Variants in PRKG1 observed in about 807,000 individuals in gnomAD.
The protein encoded by PRKG1 is cGMP-dependent protein kinase 1.
A neutral mutation model predicts 88.1 loss-of-function variants in PRKG1; 35 were observed. The ratio of observed to expected loss-of-function variants is 0.40; its 90% confidence interval spans 0.30 to 0.53. The LOEUF (loss-of-function observed/expected upper bound fraction) is 0.53. PRKG1 is among the 20% of genes least tolerant of loss of function. The pLI, the probability that PRKG1 is intolerant of heterozygous loss-of-function variation, is 0.59. For missense variants in PRKG1, 540 were observed against 839.8 expected, an observed-to-expected ratio of 0.64 and a Z score of 4.41; for synonymous variants, 303 against 292.5, an observed-to-expected ratio of 1.04 and a Z score of -0.37.
At chr10:51,296,250 A>G (rs1203242833) in intron 2 of PRKG1, among the ~76,000 whole-genome samples, 1 of 152,072 alleles carries the variant, frequency 6.6e-6, no homozygotes. Context: ...AAGGATTGTT[A>G]TCAGTTCTTC....
chr10:51,669,340 A>T (rs901028221), intron 3 of PRKG1, among the ~76,000 whole-genome samples: 1 of 152,164 alleles, frequency 6.6e-6, no homozygotes, highest in Non-Finnish European at 1.5e-5. Context: ...CTTTCTTCTT[A>T]TAAGGACACC....
intron 8 of PRKG1, among the ~76,000 whole-genome samples, chr10:52,146,815 G>A (rs1019345465): frequency 6.6e-6 from 1 of 152,092 alleles, no homozygotes; most frequent in South Asian, 2.1e-4. Context: ...CTGATTCAAA[G>A]GATATGTATT....
At chr10:51,366,906 C>T (rs536936728) in intron 2 of PRKG1, among the ~76,000 whole-genome samples, 5 of 151,886 alleles carry the variant, frequency 3.3e-5, no homozygotes, top group African/African-American at 9.6e-5. Flanking sequence ...TCTACCCTTC[C>T]GACCCCTCCG....
At chr10:52,225,627 G>A (rs1203476468) in intron 9 of PRKG1, among the ~76,000 whole-genome samples, 1 of 152,122 alleles carries the variant, frequency 6.6e-6, no homozygotes, top group Non-Finnish European at 1.5e-5. Context: ...CAGGTCTTAG[G>A]TTTAAGCCCT....
chr10:51,117,328 C>T (rs1486697834), intron 1 of PRKG1, among the ~76,000 whole-genome samples: 2 of 152,178 alleles, frequency 1.3e-5, no homozygotes, highest in Admixed American at 6.5e-5. Context: ...GTGTTACATT[C>T]TTGTTATATT....
At chr10:51,185,628 A>G (rs907317657) in intron 2 of PRKG1, among the ~76,000 whole-genome samples, 1 of 151,962 alleles carries the variant, frequency 6.6e-6, no homozygotes, top group African/African-American at 2.4e-5. Context: ...ATATGTATAT[A>G]CTTTTTTAAA....
intron 9 of PRKG1, among the ~76,000 whole-genome samples, chr10:52,245,092 C>T (rs1840990300): frequency 6.6e-6 from 1 of 151,354 alleles, no homozygotes. Flanking sequence ...GAACAATTAT[C>T]ACATAAAATC....
intron 6 of PRKG1, among the ~76,000 whole-genome samples, chr10:52,061,294 T>C (rs1032743134): frequency 1.3e-5 from 2 of 152,108 alleles, no homozygotes; most frequent in Admixed American, 6.5e-5. Flanking sequence ...TTAATACTTA[T>C]AAAAATTCTG....
intron 1 of PRKG1, among the ~76,000 whole-genome samples, chr10:51,129,473 AAAG>A (rs965302611): frequency 1.3e-5 from 2 of 152,154 alleles, no homozygotes; most frequent in Non-Finnish European, 2.9e-5. Context: ...AGAAAAAAAA[AAAG>A]AAAAAGAAAA....
At chr10:51,364,763 A>C (rs563372929) in intron 2 of PRKG1, among the ~76,000 whole-genome samples, 1 of 152,036 alleles carries the variant, frequency 6.6e-6, no homozygotes, top group East Asian at 1.9e-4. Flanking sequence ...TTGTAAAATA[A>C]TTGCTCAGAT....
rs73342992 is a variant in PRKG1, at chr10:52,134,922, T to A, written c.1001+1017T>A. Among the ~76,000 whole-genome samples the A allele has an allele frequency of 9.4e-3, 1,425 of 152,254 alleles. 29 individuals carry two copies. The highest frequency in any genetic ancestry group is 0.033 in the African/African-American group (1,360 of 41,552). On this transcript the variant is annotated intron_variant, in intron 8 of 17. Coordinates refer to ENST00000373980, the MANE Select transcript of PRKG1 (RefSeq NM_006258.4). ...TCCATGGATATTTCTGAAATTGTTATATTTTGTCTGGTTCCCAAAAACAAT... is the reference window on the plus strand; with the variant it reads ...TCCATGGATATTTCTGAAATTGTTAAATTTTGTCTGGTTCCCAAAAACAAT...
In PRKG1 at chr10:51,090,102, A is replaced by G. The variant is rs574060338; in HGVS notation, c.311+15201A>G. Among the ~76,000 whole-genome samples the G allele has an allele frequency of 3.3e-4, 51 of 152,346 alleles. No homozygotes were observed. In the South Asian group the frequency reaches 7.0e-3, roughly 21 times the overall value. On this transcript the variant is annotated intron_variant, in intron 1 of 17. Coordinates refer to ENST00000373980, the MANE Select transcript of PRKG1 (RefSeq NM_006258.4). ...GAATCTAATCTTCCATGTTCTCACT[A>G]TAAATGAGGATTATAACATTTCCCT...
chr10:52,292,712 C>T (rs183155175), intron 17 of PRKG1, among the ~76,000 whole-genome samples: 2 of 151,926 alleles, frequency 1.3e-5, no homozygotes, highest in Non-Finnish European at 2.9e-5. Flanking sequence ...ATTTAACAAC[C>T]CTTCATGCTA....
intron 8 of PRKG1, among the ~76,000 whole-genome samples, chr10:52,148,957 C>CTTTTTTTTTTTTTTTTTTTTTTTTTTT (rs71904885): frequency 1.8e-5 from 1 of 55,160 alleles, no homozygotes; most frequent in South Asian, 8.2e-4. Flanking sequence ...GATAGTTTTG[C>CTTTTTTTTTTTTTTTTTTTTTTTTTTT]TTTTTTTTTT....
chr10:51,821,476 A>G (rs1839744276), intron 4 of PRKG1, among the ~76,000 whole-genome samples: 1 of 152,152 alleles, frequency 6.6e-6, no homozygotes, highest in Non-Finnish European at 1.5e-5. Context: ...AATATAAAAA[A>G]AGAGGTTTGT....
At chr10:51,138,460 T>C (rs1457946905) in intron 1 of PRKG1, among the ~76,000 whole-genome samples, 1 of 152,114 alleles carries the variant, frequency 6.6e-6, no homozygotes, top group Non-Finnish European at 1.5e-5. Context: ...TGCAAAGTGG[T>C]TTTTTGTCTG....
intron 2 of PRKG1, among the ~76,000 whole-genome samples, chr10:51,231,750 C>T (rs1865645): frequency 0.57 from 86,559 of 151,312 alleles, 25,968 homozygotes; most frequent in African/African-American, 0.78. Flanking sequence ...CTAGATGTGA[C>T]GTTTTCTGGA....
chr10:52,086,540 G>C (rs1363319975), intron 7 of PRKG1, among the ~76,000 whole-genome samples: 1 of 151,766 alleles, frequency 6.6e-6, no homozygotes, highest in Admixed American at 6.6e-5. Flanking sequence ...GAATAGCTAG[G>C]ATTACAGGAG....
intron 2 of PRKG1, among the ~76,000 whole-genome samples, chr10:51,321,467 T>C (rs1841453668): frequency 2.0e-5 from 3 of 152,106 alleles, no homozygotes; most frequent in African/African-American, 7.2e-5. Flanking sequence ...TAGTTAAAAA[T>C]ATGCAGTATA....
Sources: gnomAD v4.1 joint callset for allele counts (sites outside exome capture counted in the v4.1 genomes callset) on GRCh38, gnomAD v4.1.1 for gene constraint, MANE v1.5 for transcripts, NCBI Gene and HGNC (gene_info 2026-07-23, HGNC 2026-07-21) for gene names.